Variants in RAB11FIP3 observed in about 807,000 individuals in gnomAD.
RAB11FIP3 encodes the protein RAB11 family interacting protein 3, also known as rab11 family-interacting protein 3.
A neutral mutation model predicts 77.8 loss-of-function variants in RAB11FIP3; 17 were observed. That is an observed-to-expected ratio of 0.22 (90% CI 0.15 to 0.33). The LOEUF is 0.33. RAB11FIP3 is among the 10% of genes least tolerant of loss of function. The pLI is 1.00. For missense variants in RAB11FIP3, 1,005 were observed against 1,011.2 expected (o/e 0.99, Z 0.08); for synonymous variants, 437 against 448.2 (o/e 0.98, Z 0.31).
chr16:509,255 G>A (rs1401720064), intron 8 of RAB11FIP3, among the ~76,000 whole-genome samples: 1 of 152,250 alleles, frequency 6.6e-6, no homozygotes, highest in Non-Finnish European at 1.5e-5. Context: ...GCTGTTCCTT[G>A]TTGTTTGTCT....
At chr16:439,659 C>T (rs1038754690) in intron 1 of RAB11FIP3, among the ~76,000 whole-genome samples, 2 of 152,124 alleles carry the variant, frequency 1.3e-5, no homozygotes, top group African/African-American at 4.8e-5. Context: ...CTCCTGATGA[C>T]ATGTGCCCAA....
intron 4 of RAB11FIP3, among the ~76,000 whole-genome samples, chr16:487,604 G>A (rs947195291): frequency 6.6e-6 from 1 of 152,140 alleles, no homozygotes; most frequent in Non-Finnish European, 1.5e-5. Flanking sequence ...ACGAGGAGTC[G>A]CCTCACTCTG....
At chr16:515,123 G>A (rs528261672) in intron 9 of RAB11FIP3, among the ~76,000 whole-genome samples, 11 of 152,348 alleles carry the variant, frequency 7.2e-5, no homozygotes, top group African/African-American at 2.6e-4. Flanking sequence ...GAAAGAAAGA[G>A]GGGTCAGGCC....
At position 521,066 on chromosome 16, in the gene RAB11FIP3, C is replaced by T. The variant is rs1006451234; in HGVS notation, c.*227C>T. The T allele has an allele frequency of 5.1e-6, 3 of 586,594 alleles. No homozygotes were observed. The highest frequency in any genetic ancestry group is 9.1e-6 in the Non-Finnish European group (3 of 328,446). The allele number at this position is 586,594 out of a possible 1,614,324, so 36.3% of individuals were successfully genotyped here. ...GGGAAGTCCCAGGGCCCGGGGTCCA[C>T]AGAGGATGAGGGTTGTGGCAGGGCC... On this transcript the variant is annotated 3_prime_UTR_variant, in exon 14 of 14. Transcript: ENST00000262305.
chr16:442,918 A>G lies in RAB11FIP3; in HGVS notation c.714+16198A>G, dbSNP rs895207648. ...GTTTACAAAGTTTTATTTCATTCCA[A>G]CATCGGGTGGGTTGGTTTACTTTAC... is the stretch of plus-strand genomic sequence containing the variant. On this transcript the variant is annotated intron_variant, in intron 1 of 13. Transcript: ENST00000262305. 3.3e-5 allele frequency among the ~76,000 whole-genome samples: 5 copies of G among 152,074 alleles called. No individual in the cohort carries two copies. In the East Asian group the frequency reaches 9.6e-4, roughly 29 times the overall value.
At chr16:491,846 G>C (rs2141785074) in intron 5 of RAB11FIP3, among the ~76,000 whole-genome samples, 1 of 152,316 alleles carries the variant, frequency 6.6e-6, no homozygotes, top group Non-Finnish European at 1.5e-5. Flanking sequence ...TGGGTGGGCA[G>C]CTCTCCAGAA....
At chr16:435,276 T>C (rs2055110472) in intron 1 of RAB11FIP3, among the ~76,000 whole-genome samples, 2 of 152,106 alleles carry the variant, frequency 1.3e-5, no homozygotes, top group South Asian at 4.1e-4. Flanking sequence ...AGAGTTTAGT[T>C]CTGTGTAGAT....
At chr16:475,021 C>A in intron 3 of RAB11FIP3, 1 of 1,551,754 alleles carries the variant, frequency 6.4e-7, no homozygotes, top group East Asian at 2.4e-5. Context: ...GGGAGCCGGT[C>A]TCCAACAGCA....
chr16:502,554 T>G (rs2031591342), intron 6 of RAB11FIP3, among the ~76,000 whole-genome samples: 1 of 152,088 alleles, frequency 6.6e-6, no homozygotes, highest in African/African-American at 2.4e-5. Context: ...AAAGCACCTG[T>G]GAAAGTCTGA....
chr16:461,611 T>G lies in RAB11FIP3; in HGVS notation c.808+114T>G. 1.2e-6 allele frequency: 1 copy of G among 838,196 alleles called. No individual in the cohort carries two copies. The highest frequency in any genetic ancestry group is 1.9e-6 in the Non-Finnish European group (1 of 524,370). 51.9% of individuals were successfully genotyped at this position (838,196 alleles called of 1,614,324 possible). The stretch of plus-strand genomic sequence containing the variant: ...TGACTCTAACATCTTTCCTTCTCCT[T>G]GAAGCCCCCAACATACCCCAGGTTT... On this transcript the variant is annotated intron_variant, in intron 2 of 13. Transcript: ENST00000262305. This position sits in a 1 kb window ranked among gnomAD's most constrained non-coding sequence, Gnocchi z 4.5.
At chr16:431,682 T>G (rs1356942532) in intron 1 of RAB11FIP3, among the ~76,000 whole-genome samples, 1 of 152,050 alleles carries the variant, frequency 6.6e-6, no homozygotes, top group Non-Finnish European at 1.5e-5. Context: ...GCCCAGACCT[T>G]TTTTAACACA....
At position 472,129 on chromosome 16, in the gene RAB11FIP3, C is replaced by G. The variant is rs2055820406; in HGVS notation, c.903+740C>G. Among the ~76,000 whole-genome samples the G allele has an allele frequency of 6.6e-6, 1 of 152,192 alleles. No homozygotes were observed. Among genetic ancestry groups the G allele is most frequent in the Admixed American group, 6.5e-5 (1 of 15,278 alleles). On this transcript the variant is annotated intron_variant, in intron 3 of 13. Coordinates refer to ENST00000262305, the MANE Select transcript of RAB11FIP3 (RefSeq NM_014700.4). The surrounding 1 kb of genome is among the most constrained non-coding windows in gnomAD (Gnocchi z 4.1). ...GGCTTCTCATGTCAGTCCTCTGAGCCCTGACTCCTCGAAAGCTGAGGCTGG... is the reference window on the plus strand; with the variant it reads ...GGCTTCTCATGTCAGTCCTCTGAGCGCTGACTCCTCGAAAGCTGAGGCTGG...
At chr16:450,879 C>T (rs1199083088) in intron 1 of RAB11FIP3, among the ~76,000 whole-genome samples, 2 of 135,408 alleles carry the variant, frequency 1.5e-5, no homozygotes, top group African/African-American at 2.7e-5. Context: ...GCTCACCTTC[C>T]CCTCGCCTGG....
rs926920858 is a variant in RAB11FIP3 at position 426,988 on chromosome 16, C to G, written c.714+268C>G. Among the ~76,000 whole-genome samples, 3 of 152,168 alleles carry G rather than the reference C, an allele frequency of 2.0e-5. No individual in the cohort carries two copies. The highest frequency in any genetic ancestry group is 2.0e-4 in the Admixed American group (3 of 15,288). On this transcript the variant is annotated intron_variant, in intron 1 of 13. Transcript: ENST00000262305. This position sits in a 1 kb window ranked among gnomAD's most constrained non-coding sequence, Gnocchi z 5.0. ...CAGCGCCTCGTCAGCTGGATCTTAC[C>G]GAGGTCAGCTCCTCGCCTGGGGACA...
chr16:488,726 T>A, intron 4 of RAB11FIP3, 125 bp from the exon 5 acceptor site: 7 of 872,962 alleles, frequency 8.0e-6, no homozygotes, highest in Middle Eastern at 3.3e-4. Context: ...TTTTTTTTTT[T>A]AAACGTGGCT....
chr16:520,329 G>A, intron 12 of RAB11FIP3, 52 bp downstream of exon 12: 1 of 1,559,072 alleles, frequency 6.4e-7, no homozygotes, highest in Non-Finnish European at 8.7e-7. Context: ...GCTTCCACAA[G>A]ACTGGTTGGG....
At chr16:438,243 G>T (rs1320182699) in intron 1 of RAB11FIP3, among the ~76,000 whole-genome samples, 1 of 151,600 alleles carries the variant, frequency 6.6e-6, no homozygotes, top group African/African-American at 2.4e-5. Context: ...GAGTAGCTGG[G>T]ATTACAGGCA....
chr16:515,456 G>A (rs1026654372), intron 9 of RAB11FIP3, among the ~76,000 whole-genome samples: 2 of 152,148 alleles, frequency 1.3e-5, no homozygotes, highest in African/African-American at 4.8e-5. Flanking sequence ...CTACACCGGT[G>A]TTTGCATCTC....
At chr16:520,650 T>C (rs374390795) in intron 13 of RAB11FIP3, 51 bp downstream of exon 13, 1 of 1,610,198 alleles carries the variant, frequency 6.2e-7, no homozygotes, top group African/African-American at 1.3e-5. Flanking sequence ...CAGTCTGCAC[T>C]GTCTGTGCGC....
Sources: allele counts gnomAD v4.1 joint callset (sites outside exome capture counted in the v4.1 genomes callset), GRCh38; gene constraint gnomAD v4.1.1; non-coding constraint Gnocchi (gnomAD v3.1); transcripts MANE v1.5; gene names NCBI Gene and HGNC (gene_info 2026-07-23, HGNC 2026-07-21).